Variants in OTOGL observed in about 807,000 individuals in gnomAD.
OTOGL encodes the protein otogelin like, also known as otogelin-like protein.
In OTOGL, 285 loss-of-function variants were observed where a neutral mutation model predicts 318.5. The ratio of observed to expected loss-of-function variants is 0.89; its 90% CI spans 0.81 to 0.99. OTOGL has a LOEUF of 0.99. Among genes scored for constraint, OTOGL ranks in the 50% least tolerant of loss-of-function variants. The pLI is 0.00. For synonymous variants in OTOGL, 987 were observed against 936.5 expected, an observed-to-expected ratio of 1.05 and a Z score of -0.99; for missense variants, 2,899 against 2,845.6, an observed-to-expected ratio of 1.02 and a Z score of -0.43.
chr12:80,255,001 T>A (rs1881902243), intron 15 of OTOGL, 39 bp from the exon 16 acceptor site: 2 of 1,397,270 alleles, frequency 1.4e-6, no homozygotes, highest in Non-Finnish European at 1.9e-6. Flanking sequence ...TATCTCCACC[T>A]CCTTTTCTTT....
In OTOGL at chr12:80,339,558, C is replaced by A. The variant is rs1210023104; in HGVS notation, c.5050+294C>A. 2.6e-5 allele frequency among the ~76,000 whole-genome samples: 4 copies of A among 151,838 alleles called. No homozygotes were observed. In the East Asian group the frequency reaches 7.7e-4, roughly 29 times the overall value. On this transcript the variant is annotated intron_variant, in intron 43 of 58. Transcript: ENST00000547103. Reference sequence around the variant, plus strand: ...TCATCTTTATTAGGCATTAATGAAGCATCAGGCATTATTTTACACATTTTA... The same window carrying A: ...TCATCTTTATTAGGCATTAATGAAGAATCAGGCATTATTTTACACATTTTA...
chr12:80,125,673 T>C (rs1432531754), intron 1 of OTOGL, among the ~76,000 whole-genome samples: 2 of 152,118 alleles, frequency 1.3e-5, no homozygotes, highest in Non-Finnish European at 2.9e-5. Context: ...GGTCCTGGAC[T>C]TTTTTTGGTT....
At chr12:80,156,948 A>C (rs1194552664) in intron 1 of OTOGL, among the ~76,000 whole-genome samples, 1 of 152,106 alleles carries the variant, frequency 6.6e-6, no homozygotes, top group Non-Finnish European at 1.5e-5. Context: ...TCTTTTGGGT[A>C]TATACCCAGC....
intron 1 of OTOGL, among the ~76,000 whole-genome samples, chr12:80,168,547 T>C (rs755993751): frequency 2.1e-4 from 32 of 152,290 alleles, no homozygotes; most frequent in South Asian, 1.2e-3. Context: ...CACCGTATCA[T>C]CAGCAAGAAA....
chr12:80,144,875 T>C (rs1460691137), intron 1 of OTOGL, among the ~76,000 whole-genome samples: 2 of 152,192 alleles, frequency 1.3e-5, no homozygotes, highest in South Asian at 4.1e-4. Flanking sequence ...TGTCTGTTCA[T>C]GTCCTTCACC....
chr12:80,336,392 C>A lies in OTOGL; in HGVS notation c.4601-21C>A, dbSNP rs768107912. On this transcript the variant is annotated intron_variant, in intron 39 of 58. Coordinates refer to ENST00000547103, the MANE Select transcript of OTOGL (RefSeq NM_001378609.3). The stretch of plus-strand genomic sequence containing the variant: ...ATGCAGATAGTTAATAGACTAAATC[C>A]ACTTTCCACCATTTTTATAGGTCGG... 17 of 1,564,394 alleles carry A rather than the reference C, an allele frequency of 1.1e-5. No individual in the cohort carries two copies. The Admixed American group carries it at 1.8e-4, about 16-fold the overall frequency.
At chr12:80,221,348 T>C (rs1450282274) in intron 6 of OTOGL, among the ~76,000 whole-genome samples, 1 of 148,928 alleles carries the variant, frequency 6.7e-6, no homozygotes, top group Admixed American at 6.8e-5. Flanking sequence ...CACTGCAACC[T>C]CCGCCTCCTG....
At chr12:80,114,527 C>T (rs977857994) in intron 1 of OTOGL, among the ~76,000 whole-genome samples, 3 of 152,176 alleles carry the variant, frequency 2.0e-5, no homozygotes, top group Non-Finnish European at 2.9e-5. Flanking sequence ...TGACCTTTCT[C>T]TCTGGCTGCC....
At chr12:80,337,178 T>C (rs1397895446) in intron 42 of OTOGL, among the ~76,000 whole-genome samples, 174 bp downstream of exon 42, 3 of 152,070 alleles carry the variant, frequency 2.0e-5, no homozygotes, top group Non-Finnish European at 2.9e-5. Context: ...TGTCTCTCAA[T>C]AATGTGCCAA....
intron 27 of OTOGL, among the ~76,000 whole-genome samples, chr12:80,302,272 T>A (rs1234435242): frequency 6.6e-6 from 1 of 152,236 alleles, no homozygotes; most frequent in Non-Finnish European, 1.5e-5. Context: ...CATACCTTTT[T>A]TAGTTCTGTC....
chr12:80,294,564 A>G (rs965805907), intron 26 of OTOGL, among the ~76,000 whole-genome samples: 4 of 152,142 alleles, frequency 2.6e-5, no homozygotes, highest in Non-Finnish European at 4.4e-5. Flanking sequence ...TTATTTCTCA[A>G]AAGGATTGTT....
At chr12:80,251,985 A>C in intron 12 of OTOGL, 91 bp from the exon 13 acceptor site, 1 of 1,362,272 alleles carries the variant, frequency 7.3e-7, no homozygotes, top group South Asian at 1.8e-5. Flanking sequence ...ATTTTTTGCA[A>C]ATTATTTTTT....
At chr12:80,100,434 A>G (rs944448658) in intron 1 of OTOGL, among the ~76,000 whole-genome samples, 2 of 152,180 alleles carry the variant, frequency 1.3e-5, no homozygotes. Context: ...TATCATATGT[A>G]CCCCATAAAT....
chr12:80,368,805 G>A (rs1391202231), intron 55 of OTOGL, among the ~76,000 whole-genome samples: 1 of 124,486 alleles, frequency 8.0e-6, no homozygotes, highest in Non-Finnish European at 1.7e-5. Flanking sequence ...TCAAGCCAAA[G>A]TTTGACAACT....
intron 1 of OTOGL, among the ~76,000 whole-genome samples, chr12:80,165,305 G>C (rs533165300): frequency 1.3e-5 from 2 of 152,058 alleles, no homozygotes; most frequent in Non-Finnish European, 1.5e-5. Flanking sequence ...TCTAATCTTT[G>C]CTGTGGACAT....
In OTOGL at chr12:80,353,410, A is replaced by T; in HGVS notation, c.5493A>T (p.Gly1831=). 7 of 1,603,798 alleles carry T rather than the reference A, an allele frequency of 4.4e-6. No homozygotes were observed. The highest frequency in any genetic ancestry group is 6.0e-6 in the Non-Finnish European group (7 of 1,174,748). ...ARTCLNQWFY[G]HTSCLNLRED... The stretch of plus-strand genomic sequence containing the variant: ...CATGCCTGAACCAATGGTTCTATGG[A>T]CACACTTCCTGTTTGAATCTAAGAG... Residue 1831 remains glycine, a synonymous_variant, in exon 46 of 59, where the codon GGA becomes GGT. Coordinates refer to ENST00000547103, the MANE Select transcript of OTOGL (RefSeq NM_001378609.3).
chr12:80,164,750 G>A (rs929423960), intron 1 of OTOGL, among the ~76,000 whole-genome samples: 19 of 152,170 alleles, frequency 1.2e-4, no homozygotes, highest in Admixed American at 8.5e-4. Context: ...CCATGGCAGC[G>A]TCTTTGATCT....
At chr12:80,236,685 A>G (rs1050733435) in intron 9 of OTOGL, among the ~76,000 whole-genome samples, 28 of 152,222 alleles carry the variant, frequency 1.8e-4, no homozygotes, top group Admixed American at 6.5e-4. Flanking sequence ...AGTATATTAC[A>G]GCAGGCCCAT....
intron 15 of OTOGL, 84 bp downstream of exon 15, chr12:80,254,654 A>T: frequency 3.7e-6 from 4 of 1,090,176 alleles, no homozygotes; most frequent in Non-Finnish European, 5.4e-6. Flanking sequence ...TTATGAAGAC[A>T]TCTCATATAT....
Sources: allele counts gnomAD v4.1 joint callset (sites outside exome capture counted in the v4.1 genomes callset), GRCh38; gene constraint gnomAD v4.1.1; transcripts MANE v1.5; gene names NCBI Gene and HGNC (gene_info 2026-07-23, HGNC 2026-07-21).